Variants in CCDC178 observed in about 807,000 individuals in gnomAD.
The protein encoded by CCDC178 is coiled-coil domain containing 178.
A neutral mutation model predicts 117.4 loss-of-function variants in CCDC178; 126 were observed. The ratio of observed to expected loss-of-function variants is 1.07; its 90% confidence interval spans 0.93 to 1.24. The LOEUF (loss-of-function observed/expected upper bound fraction) is 1.24, where lower values mean the gene tolerates loss of function less well. Ranked by LOEUF, CCDC178 falls within the 50% of genes most tolerant of loss-of-function variation. CCDC178 has a pLI of 0.00. For missense variants in CCDC178, 1,030 were observed against 986.9 expected, an observed-to-expected ratio of 1.04 and a Z score of -0.59; for synonymous variants, 283 against 313.4, an observed-to-expected ratio of 0.90 and a Z score of 1.02.
intron 22 of CCDC178, chr18:32,958,265 AGTTTGTGGC>A (rs1349891078): frequency 2.1e-6 from 1 of 465,190 alleles, no homozygotes; most frequent in Non-Finnish European, 4.0e-6. Context: ...AAAATTATTG[AGTTTGTGGC>A]AAAAAATGCT....
At chr18:33,109,135 C>T (rs1365613740) in intron 20 of CCDC178, among the ~76,000 whole-genome samples, 1 of 151,578 alleles carries the variant, frequency 6.6e-6, no homozygotes, top group Admixed American at 6.6e-5. Flanking sequence ...AACGAAATAC[C>T]TACATTACAG....
At position 33,348,929 on chromosome 18, in the gene CCDC178, T is replaced by A. The variant is rs761730741; in HGVS notation, c.418A>T (p.Thr140Ser). ...TKDLKEDWSV[T>S]TPVKEVKPGE... ...GGTTTGACCTCTTTCACTGGTGTAG[T>A]TACACTCCAATCTTCTTTCAGGTCT... Residue 140 changes from threonine to serine, a missense_variant, in exon 8 of 23, where the codon ACT becomes TCT. Thr to Ser is a moderately conservative substitution (Grantham distance 58). Coordinates refer to ENST00000383096, the MANE Select transcript of CCDC178 (RefSeq NM_001105528.4). 25 of 1,610,438 alleles carry A rather than the reference T, an allele frequency of 1.6e-5. No individual in the cohort carries two copies. The African/African-American group carries it at 3.3e-4, about 22-fold the overall frequency.
chr18:33,147,301 C>T (rs187493734), intron 20 of CCDC178, among the ~76,000 whole-genome samples: 3 of 148,754 alleles, frequency 2.0e-5, no homozygotes, highest in East Asian at 3.9e-4. Context: ...ACCATGTCCT[C>T]GGGTGGCAGA....
intron 2 of CCDC178, among the ~76,000 whole-genome samples, chr18:33,417,566 A>G (rs890696158): frequency 6.6e-6 from 1 of 152,016 alleles, no homozygotes; most frequent in African/African-American, 2.4e-5. Flanking sequence ...ACACACACAA[A>G]TAACTGCAAG....
At chr18:33,295,139 T>C (rs2062091128) in intron 11 of CCDC178, among the ~76,000 whole-genome samples, 1 of 152,114 alleles carries the variant, frequency 6.6e-6, no homozygotes, top group Non-Finnish European at 1.5e-5. Context: ...AGAATGGTCA[T>C]AGACGACCCA....
chr18:33,327,903 T>C (rs2062606524), intron 10 of CCDC178, among the ~76,000 whole-genome samples: 1 of 152,050 alleles, frequency 6.6e-6, no homozygotes. Context: ...GGGAACTATA[T>C]CCGTTTGAGA....
At chr18:33,297,779 C>T (rs747998751) in intron 11 of CCDC178, among the ~76,000 whole-genome samples, 19 of 152,114 alleles carry the variant, frequency 1.2e-4, no homozygotes, top group Non-Finnish European at 1.8e-4. Context: ...CAGTGGCTCA[C>T]GCCTGTAATC....
chr18:33,088,060 G>A (rs1441510696), intron 21 of CCDC178, among the ~76,000 whole-genome samples: 2 of 151,970 alleles, frequency 1.3e-5, no homozygotes, highest in African/African-American at 4.8e-5. Context: ...TCTCTTGGTG[G>A]GGTGAAGAAA....
intron 20 of CCDC178, among the ~76,000 whole-genome samples, chr18:33,151,564 A>G (rs2058341498): frequency 6.6e-6 from 1 of 152,174 alleles, no homozygotes; most frequent in African/African-American, 2.4e-5. Flanking sequence ...AAATGAGAAT[A>G]TTTTCTCAAA....
At chr18:33,123,972 C>G (rs1222554135) in intron 20 of CCDC178, among the ~76,000 whole-genome samples, 1 of 152,150 alleles carries the variant, frequency 6.6e-6, no homozygotes, top group African/African-American at 2.4e-5. Flanking sequence ...GAGCGTGTCT[C>G]TGCAGTAAAA....
chr18:33,223,216 G>C lies in CCDC178; in HGVS notation c.1822C>G (p.Leu608Val). The change falls in exon 18 of 23, where the codon CTT becomes GTT. Residue 608 changes from leucine to valine, a missense_variant. Coordinates refer to ENST00000383096, the MANE Select transcript of CCDC178 (RefSeq NM_001105528.4). ...TCTTTCTGATCAATTATATTATTAAGCATCTAGAAGACATTCAGATATTAA... is the reference window on the plus strand; with the variant it reads ...TCTTTCTGATCAATTATATTATTAACCATCTAGAAGACATTCAGATATTAA... The part of the protein sequence containing the change: ...RSLDKEHSVM[L>V]NNIIDQKDLI... 6.3e-7 allele frequency: 1 copy of C among 1,591,770 alleles called. No homozygotes were observed. Among genetic ancestry groups the C allele is most frequent in the Non-Finnish European group, 8.5e-7 (1 of 1,170,230 alleles).
At chr18:33,312,620 G>A (rs1032109322) in intron 11 of CCDC178, among the ~76,000 whole-genome samples, 3 of 152,170 alleles carry the variant, frequency 2.0e-5, no homozygotes, top group African/African-American at 4.8e-5. Context: ...GTTGCTAAAG[G>A]CTAGCCACCT....
At chr18:33,113,473 T>C (rs965913116) in intron 20 of CCDC178, among the ~76,000 whole-genome samples, 6 of 151,986 alleles carry the variant, frequency 3.9e-5, no homozygotes, top group Non-Finnish European at 8.8e-5. Flanking sequence ...ACACTTGATA[T>C]CTTAAAATGG....
At chr18:33,371,836 G>C (rs1280936219) in intron 5 of CCDC178, among the ~76,000 whole-genome samples, 2 of 140,062 alleles carry the variant, frequency 1.4e-5, no homozygotes, top group African/African-American at 2.6e-5. Flanking sequence ...ATAGTCAAAA[G>C]ACCAAAAGAA....
At chr18:33,105,579 A>G (rs2145115363) in intron 20 of CCDC178, among the ~76,000 whole-genome samples, 1 of 151,808 alleles carries the variant, frequency 6.6e-6, no homozygotes, top group South Asian at 2.1e-4. Context: ...TTATACAGGA[A>G]TGGTATTTTG....
chr18:33,199,437 T>C (rs2058968047), intron 20 of CCDC178, among the ~76,000 whole-genome samples: 1 of 152,220 alleles, frequency 6.6e-6, no homozygotes, highest in African/African-American at 2.4e-5. Context: ...CCTATCATAC[T>C]CTTTTACTTC....
At chr18:33,289,225 C>T (rs562105244) in intron 12 of CCDC178, among the ~76,000 whole-genome samples, 1 of 152,094 alleles carries the variant, frequency 6.6e-6, no homozygotes, top group South Asian at 2.1e-4. Flanking sequence ...ATGAATGAGA[C>T]AAAATTAAGA....
chr18:33,229,837 G>A (rs933117087), intron 15 of CCDC178, among the ~76,000 whole-genome samples: 4 of 152,170 alleles, frequency 2.6e-5, no homozygotes, highest in Non-Finnish European at 5.9e-5. Context: ...GGGTGAAAGG[G>A]TTCCAATTAG....
chr18:33,382,573 G>A (rs958814353), intron 5 of CCDC178, among the ~76,000 whole-genome samples: 1 of 152,162 alleles, frequency 6.6e-6, no homozygotes, highest in Non-Finnish European at 1.5e-5. Flanking sequence ...CTTCACCTGG[G>A]AACTGCAGTG....
Sources: gnomAD v4.1 joint callset for allele counts (sites outside exome capture counted in the v4.1 genomes callset) on GRCh38, gnomAD v4.1.1 for gene constraint, MANE v1.5 for transcripts, NCBI Gene and HGNC (gene_info 2026-07-23, HGNC 2026-07-21) for gene names.